The following PLEKHH2 variants were observed in gnomAD, a reference collection of about 807,000 sequenced individuals.
PLEKHH2 encodes pleckstrin homology, MyTH4 and FERM domain containing H2, also known as pleckstrin homology domain-containing family H member 2.
In PLEKHH2, 129 loss-of-function variants were observed where a neutral mutation model predicts 187.9. That is an observed-to-expected ratio of 0.69 (90% CI 0.59 to 0.79). The LOEUF is 0.79. Ranked by LOEUF, PLEKHH2 falls within the 30% of genes least tolerant of loss-of-function variation. The pLI is 0.00. For synonymous variants in PLEKHH2, 686 were observed against 605.6 expected (o/e 1.13, Z -1.95); for missense variants, 2,076 against 1,751.2 (o/e 1.19, Z -3.31).
chr2:43,675,519 A>G (rs762832372), intron 2 of PLEKHH2: 10 of 1,613,914 alleles, frequency 6.2e-6, no homozygotes, highest in Admixed American at 3.3e-5. Flanking sequence ...CCATATCTGA[A>G]CAGCAGCCTT....
Position 43,695,190 on chromosome 2 carries a change from T to G in PLEKHH2, c.468T>G (p.Thr156=). The change falls in exon 6 of 30, where the codon ACT becomes ACG. Residue 156 remains threonine (T), a synonymous_variant. Coordinates refer to ENST00000282406, the MANE Select transcript of PLEKHH2 (RefSeq NM_172069.4). The stretch of plus-strand genomic sequence containing the variant: ...TTCGTTTGATCAACCAAAACCAAAC[T>G]GAAGAGATAAGAACAATGCAGTCAA... ...QNLRLINQNQ[T]EEIRTMQSKL... The G allele has an allele frequency of 6.3e-7, 1 of 1,599,472 alleles. No homozygotes were observed. Among genetic ancestry groups the G allele is most frequent in the South Asian group, 1.1e-5 (1 of 88,376 alleles).
chr2:43,738,581 G>T, intron 20 of PLEKHH2, 61 bp downstream of exon 20: 1 of 1,431,004 alleles, frequency 7.0e-7, no homozygotes, highest in South Asian at 1.4e-5. Flanking sequence ...CTGATTGTAA[G>T]AATGATACAC....
chr2:43,728,406 A>G (rs561355160), intron 17 of PLEKHH2, among the ~76,000 whole-genome samples: 1 of 144,892 alleles, frequency 6.9e-6, no homozygotes, highest in East Asian at 2.2e-4. Flanking sequence ...TTGAACCTGG[A>G]GGCAGAGGTT....
rs1669881871 is a variant in PLEKHH2, at chr2:43,710,140, A to G, written c.2103+14A>G. 2 of 1,610,450 alleles carry G rather than the reference A, an allele frequency of 1.2e-6. No individual in the cohort carries two copies. The highest frequency in any genetic ancestry group is 1.7e-6 in the Non-Finnish European group (2 of 1,178,782). On this transcript the variant is annotated intron_variant, in intron 12 of 29. Transcript: ENST00000282406. ...AATGGGAAAAATGTAAATATTGAAT[A>G]TGATTTTTAAAAAGCAGTCAGTCAG...
At chr2:43,651,067 A>G (rs896722375) in intron 2 of PLEKHH2, among the ~76,000 whole-genome samples, 6 of 152,222 alleles carry the variant, frequency 3.9e-5, no homozygotes, top group African/African-American at 1.4e-4. Context: ...TATAATTTGT[A>G]ATATAGATTG....
chr2:43,680,764 C>A, intron 3 of PLEKHH2: 2 of 385,450 alleles, frequency 5.2e-6, no homozygotes, highest in Non-Finnish European at 4.9e-6. Flanking sequence ...GGCAGCCGTA[C>A]AAAGTTTGTC....
chr2:43,699,614 G>C (rs1461855434), intron 7 of PLEKHH2, 33 bp from the exon 8 acceptor site: 2 of 1,583,956 alleles, frequency 1.3e-6, no homozygotes, highest in Non-Finnish European at 1.7e-6. Context: ...TATTCTTAAA[G>C]GCAGCATGCT....
Position 43,743,922 on chromosome 2 carries a change from G to C in PLEKHH2, c.3488G>C (p.Gly1163Ala). The change falls in exon 23 of 30, where the codon GGA (glycine) becomes GCA (alanine). Residue 1163 changes from glycine to alanine, a missense_variant. Gly to Ala is a moderately conservative substitution (Grantham distance 60, BLOSUM62 0). Coordinates refer to ENST00000282406, the MANE Select transcript of PLEKHH2 (RefSeq NM_172069.4). Reference sequence around the variant, plus strand: ...GGAATGAGGAAACCAGCGCAGTCTGGATTTGCGTTGTTCACTGACGATCCT... The same window carrying C: ...GGAATGAGGAAACCAGCGCAGTCTGCATTTGCGTTGTTCACTGACGATCCT... ...DTGMRKPAQS[G>A]FALFTDDPSG... 1 of 1,614,084 alleles carries C rather than the reference G, an allele frequency of 6.2e-7. No homozygotes were observed. The highest frequency in any genetic ancestry group is 8.5e-7 in the Non-Finnish European group (1 of 1,179,984).
chr2:43,708,333 C>G (rs61247351), intron 11 of PLEKHH2, among the ~76,000 whole-genome samples: 55,086 of 152,008 alleles, frequency 0.36, 11,000 homozygotes, highest in African/African-American at 0.53. Context: ...CCTTTCTTCT[C>G]TGTACTCAGC....
intron 19 of PLEKHH2, among the ~76,000 whole-genome samples, chr2:43,737,934 C>A (rs1671373142): frequency 6.6e-6 from 1 of 152,190 alleles, no homozygotes; most frequent in South Asian, 2.1e-4. Context: ...AAAGCATGAG[C>A]ATTTTAAGAA....
intron 3 of PLEKHH2, chr2:43,681,189 C>T (rs1668162135): frequency 2.9e-6 from 2 of 682,162 alleles, no homozygotes; most frequent in East Asian, 2.5e-5. Context: ...ACCACTATTC[C>T]TCAAAGAATA....
At position 43,706,385 on chromosome 2, in the gene PLEKHH2, T is replaced by C; in HGVS notation, c.1790T>C (p.Met597Thr). The C allele has an allele frequency of 6.2e-7, 1 of 1,605,596 alleles. No individual in the cohort carries two copies. The highest frequency in any genetic ancestry group is 8.5e-7 in the Non-Finnish European group (1 of 1,172,430). Residue 597 changes from methionine to threonine, a missense_variant, in exon 10 of 30, where the codon ATG becomes ACG. Transcript: ENST00000282406. The part of the protein sequence containing the change: ...GLYTSLIYKN[M>T]TTPVYTTLKG... ...TATACATCTCTGATATACAAGAACA[T>C]GACCACCCCAGTGTATACAACTTTG...
intron 7 of PLEKHH2, among the ~76,000 whole-genome samples, chr2:43,697,800 C>G (rs1051474029): frequency 6.6e-6 from 1 of 151,968 alleles, no homozygotes; most frequent in Non-Finnish European, 1.5e-5. Context: ...TAAACATTGG[C>G]ATAGCAAACT....
intron 3 of PLEKHH2, among the ~76,000 whole-genome samples, chr2:43,683,682 A>G (rs765997562): frequency 5.9e-5 from 9 of 151,988 alleles, no homozygotes; most frequent in Non-Finnish European, 8.8e-5. Context: ...ATATAGTTAG[A>G]TCTAAAAATT....
rs1274193798 is a variant in PLEKHH2, at chr2:43,678,731, GGTGGAA to G, written c.124-126_124-121del. 738 of 624,716 alleles carry G rather than the reference GGTGGAA, an allele frequency of 1.2e-3. 1 individual carries two copies. The highest frequency in any genetic ancestry group is 1.7e-3 in the Non-Finnish European group (584 of 344,654). The allele number at this position is 624,716 out of a possible 1,614,324, so 38.7% of individuals were successfully genotyped here. ...GAGGGAGAGGGAGACCGTGGGTAGA[GGTGGAA>G]GTGGAGGTGGAGGTGGAGGTGGAGG... On this transcript the variant is annotated intron_variant, in intron 2 of 29. Coordinates refer to ENST00000282406, the MANE Select transcript of PLEKHH2 (RefSeq NM_172069.4).
At chr2:43,679,143 TCTTA>T (rs377036571) in intron 3 of PLEKHH2, among the ~76,000 whole-genome samples, 75 of 152,320 alleles carry the variant, frequency 4.9e-4, no homozygotes, top group African/African-American at 1.7e-3. Flanking sequence ...GGAAGTTTTA[TCTTA>T]CTTCTGAGAA....
At chr2:43,764,155 T>C (rs1572677673) in intron 28 of PLEKHH2, 73 bp from the exon 29 acceptor site, 6 of 873,990 alleles carry the variant, frequency 6.9e-6, no homozygotes, top group Admixed American at 3.0e-5. Flanking sequence ...AATGGAGATA[T>C]ATTATTAATT....
At chr2:43,701,771 T>A (rs1446492689) in intron 8 of PLEKHH2, among the ~76,000 whole-genome samples, 7 of 150,156 alleles carry the variant, frequency 4.7e-5, no homozygotes, top group Non-Finnish European at 3.0e-5. Flanking sequence ...ATTTTAATTT[T>A]TTTTTTTTTT....
chr2:43,721,223 G>T (rs1343731672), intron 16 of PLEKHH2, among the ~76,000 whole-genome samples: 1 of 152,100 alleles, frequency 6.6e-6, no homozygotes, highest in East Asian at 1.9e-4. Context: ...CTCCCCAAAA[G>T]AATCTGAATT....
Sources: allele counts gnomAD v4.1 joint callset (sites outside exome capture counted in the v4.1 genomes callset), GRCh38; gene constraint gnomAD v4.1.1; transcripts MANE v1.5; gene names NCBI Gene and HGNC (gene_info 2026-07-23, HGNC 2026-07-21).